Variants in KCNK2 observed in about 807,000 individuals in gnomAD.
KCNK2 encodes the protein potassium two pore domain channel subfamily K member 2, also known as potassium channel subfamily K member 2.
Under a neutral mutation model 40.5 loss-of-function variants are expected in KCNK2, and 21 were observed. That is an observed-to-expected ratio of 0.52 (90% CI 0.37 to 0.75). KCNK2 has a LOEUF of 0.75. KCNK2 is among the 30% of genes least tolerant of loss of function. The pLI, the probability that KCNK2 is intolerant of heterozygous loss-of-function variation, is 0.00. For missense variants in KCNK2, 399 were observed against 531.6 expected, an observed-to-expected ratio of 0.75 and a Z score of 2.45; for synonymous variants, 191 against 202.2, an observed-to-expected ratio of 0.94 and a Z score of 0.47.
chr1:215,016,807 G>T (rs1186013075), intron 1 of KCNK2, among the ~76,000 whole-genome samples: 3 of 152,028 alleles, frequency 2.0e-5, no homozygotes, highest in African/African-American at 7.2e-5. Flanking sequence ...AGAATGAAGA[G>T]ATACTGTAAG....
intron 2 of KCNK2, among the ~76,000 whole-genome samples, chr1:215,101,421 G>A (rs758122123): frequency 6.6e-6 from 1 of 151,874 alleles, no homozygotes; most frequent in Non-Finnish European, 1.5e-5. Context: ...GGGTGGGCAG[G>A]AAGTGTTCAA....
At chr1:215,035,295 C>G (rs566312790) in intron 1 of KCNK2, among the ~76,000 whole-genome samples, 23 of 152,168 alleles carry the variant, frequency 1.5e-4, no homozygotes, top group South Asian at 4.1e-4. Context: ...GCAGAGTTCA[C>G]TTTTTGTATT....
chr1:215,053,824 G>A (rs1658068623), intron 1 of KCNK2, among the ~76,000 whole-genome samples: 1 of 152,090 alleles, frequency 6.6e-6, no homozygotes, highest in East Asian at 1.9e-4. Context: ...AAAGTTAGCC[G>A]GGCATAGTGA....
chr1:215,221,377 A>G (rs965958689), intron 6 of KCNK2, among the ~76,000 whole-genome samples: 2 of 152,194 alleles, frequency 1.3e-5, no homozygotes, highest in Non-Finnish European at 2.9e-5. Flanking sequence ...CCATCTCAAA[A>G]GAAACAAACA....
intron 5 of KCNK2, among the ~76,000 whole-genome samples, chr1:215,178,902 A>G (rs527298666): frequency 6.6e-6 from 1 of 152,028 alleles, no homozygotes; most frequent in Non-Finnish European, 1.5e-5. Flanking sequence ...AATTTTTTGG[A>G]AAGAGTTTTA....
intron 1 of KCNK2, among the ~76,000 whole-genome samples, chr1:215,008,951 A>G (rs532176102): frequency 7.2e-5 from 11 of 152,176 alleles, no homozygotes; most frequent in Middle Eastern, 3.4e-3. Context: ...TTGTCATTCT[A>G]TAGTCCTTGA....
chr1:215,093,682 T>G (rs1659809057), intron 2 of KCNK2, among the ~76,000 whole-genome samples: 1 of 79,264 alleles, frequency 1.3e-5, no homozygotes, highest in Non-Finnish European at 1.9e-5. Flanking sequence ...TATACATATA[T>G]AATATGTATA....
intron 5 of KCNK2, among the ~76,000 whole-genome samples, chr1:215,194,627 G>T (rs1291746660): frequency 1.3e-5 from 2 of 152,078 alleles, no homozygotes; most frequent in African/African-American, 4.8e-5. Context: ...GGTGGAAAAA[G>T]AAACTTAGTA....
At chr1:215,167,803 G>A (rs1003163810) in intron 3 of KCNK2, among the ~76,000 whole-genome samples, 1 of 151,784 alleles carries the variant, frequency 6.6e-6, no homozygotes, top group African/African-American at 2.4e-5. Flanking sequence ...AGGATTATCA[G>A]CAATAGAGAG....
At chr1:215,006,007 A>G (rs759116376) in intron 1 of KCNK2, 2 of 1,397,750 alleles carry the variant, frequency 1.4e-6, no homozygotes, top group East Asian at 4.6e-5. Flanking sequence ...AATTTTCTAG[A>G]GTAGGCTGAG....
chr1:215,186,137 G>C (rs1664422365), intron 5 of KCNK2, among the ~76,000 whole-genome samples: 1 of 152,114 alleles, frequency 6.6e-6, no homozygotes, highest in African/African-American at 2.4e-5. Context: ...TGACGATTAG[G>C]CTGGGTATGG....
chr1:215,079,145 AAAGTT>A (rs1298164444), upstream of KCNK2, among the ~76,000 whole-genome samples: 4 of 152,242 alleles, frequency 2.6e-5, no homozygotes, highest in African/African-American at 7.2e-5. Flanking sequence ...TCATTAAATT[AAAGTT>A]AAGAGGTGTT....
At chr1:215,143,972 A>G (rs1306426206) in intron 3 of KCNK2, among the ~76,000 whole-genome samples, 1 of 152,128 alleles carries the variant, frequency 6.6e-6, no homozygotes, top group Non-Finnish European at 1.5e-5. Flanking sequence ...ATCAGTATGA[A>G]AAACACTGGA....
chr1:215,134,026 A>T (rs184712688), intron 3 of KCNK2, among the ~76,000 whole-genome samples: 1 of 152,288 alleles, frequency 6.6e-6, no homozygotes, highest in East Asian at 1.9e-4. Context: ...AGGCGTAAAT[A>T]TCCCTTATTG....
intron 6 of KCNK2, among the ~76,000 whole-genome samples, chr1:215,227,792 G>A (rs1666452604): frequency 2.0e-5 from 3 of 152,052 alleles, no homozygotes; most frequent in South Asian, 4.2e-4. Context: ...AAGGAATTGA[G>A]AGGAAAAGAG....
At chr1:215,099,354 T>C (rs1292031505) in intron 2 of KCNK2, among the ~76,000 whole-genome samples, 1 of 152,018 alleles carries the variant, frequency 6.6e-6, no homozygotes, top group Non-Finnish European at 1.5e-5. Flanking sequence ...TCATTCTTTT[T>C]TATGGCTGCA....
At chr1:215,011,377 T>C (rs1456361657) in intron 1 of KCNK2, among the ~76,000 whole-genome samples, 1 of 152,142 alleles carries the variant, frequency 6.6e-6, no homozygotes, top group Admixed American at 6.5e-5. Context: ...CACTGCATCC[T>C]CGACCTCCTG....
intron 1 of KCNK2, 177 bp downstream of exon 1, chr1:215,083,608 C>T (rs1415875740): frequency 1.5e-5 from 9 of 616,088 alleles, no homozygotes; most frequent in Non-Finnish European, 2.6e-5. Flanking sequence ...CAGATCCTCT[C>T]CACGCCGCTT....
At chr1:215,233,636 A>G (rs768294253) in intron 6 of KCNK2, among the ~76,000 whole-genome samples, 2 of 152,212 alleles carry the variant, frequency 1.3e-5, no homozygotes, top group African/African-American at 4.8e-5. Flanking sequence ...TCAAGAGGGC[A>G]AAAATTAAAC....
Sources: gnomAD v4.1 joint callset for allele counts (sites outside exome capture counted in the v4.1 genomes callset) on GRCh38, gnomAD v4.1.1 for gene constraint, MANE v1.5 for transcripts, NCBI Gene and HGNC (gene_info 2026-07-23, HGNC 2026-07-21) for gene names.